NKIRAS1: variants seen among roughly 807,000 people sequenced by gnomAD.
NKIRAS1 encodes the protein NFKB inhibitor interacting Ras like 1, also known as NF-kappa-B inhibitor-interacting Ras-like protein 1.
NKIRAS1 carries 16 observed loss-of-function variants against 19.8 expected under a neutral mutation model. The ratio of observed to expected loss-of-function variants is 0.81; its 90% confidence interval spans 0.55 to 1.23. The LOEUF (loss-of-function observed/expected upper bound fraction) is 1.23. Among genes scored for constraint, NKIRAS1 ranks in the 50% most tolerant of loss-of-function variants. The probability of loss-of-function intolerance (pLI) is 0.00; values close to 1 mark genes in which losing one functional copy is unlikely to be tolerated. For missense variants in NKIRAS1, 184 were observed against 220.0 expected, an observed-to-expected ratio of 0.84 and a Z score of 1.04; for synonymous variants, 88 against 79.0, an observed-to-expected ratio of 1.11 and a Z score of -0.61.
At chr3:23,929,955 A>G (rs6550811) in intron 1 of NKIRAS1, among the ~76,000 whole-genome samples, 95,321 of 151,888 alleles carry the variant, frequency 0.63, 30,168 homozygotes, top group Middle Eastern at 0.72. Flanking sequence ...AAAATGATAG[A>G]ATTTCTAGTT....
intron 3 of NKIRAS1, among the ~76,000 whole-genome samples, chr3:23,903,905 C>T (rs1702761364): frequency 6.6e-6 from 1 of 152,228 alleles, no homozygotes; most frequent in African/African-American, 2.4e-5. Context: ...GGGCTCACAC[C>T]TGTAATACCA....
At chr3:23,938,319 C>T (rs897711964) in intron 1 of NKIRAS1, among the ~76,000 whole-genome samples, 4 of 151,816 alleles carry the variant, frequency 2.6e-5, no homozygotes, top group African/African-American at 9.7e-5. Context: ...AAACGATCCT[C>T]CCATCTCAGC....
chr3:23,895,132 T>G (rs72627064), intron 4 of NKIRAS1, among the ~76,000 whole-genome samples: 2,002 of 152,256 alleles, frequency 0.013, 31 homozygotes, highest in South Asian at 0.054. Flanking sequence ...GCAGCCTTGA[T>G]CTTCTGGGCT....
At chr3:23,941,959 C>CTTTATTTATTTA (rs1022866396) in intron 1 of NKIRAS1, among the ~76,000 whole-genome samples, 1 of 144,700 alleles carries the variant, frequency 6.9e-6, no homozygotes, top group African/African-American at 2.6e-5. Flanking sequence ...TTTAAATAGT[C>CTTTATTTATTTA]TTTATTTATT....
intron 1 of NKIRAS1, among the ~76,000 whole-genome samples, chr3:23,928,629 C>T (rs1025735733): frequency 1.3e-5 from 2 of 149,578 alleles, no homozygotes; most frequent in Admixed American, 6.7e-5. Context: ...TAGGAGAAAC[C>T]GACAAGGGCA....
chr3:23,897,845 G>A (rs1702130185), intron 4 of NKIRAS1, among the ~76,000 whole-genome samples: 1 of 152,164 alleles, frequency 6.6e-6, no homozygotes, highest in South Asian at 2.1e-4. Flanking sequence ...CAAAATAGAA[G>A]CTTTATTGGG....
At chr3:23,903,643 A>G (rs982164747) in intron 3 of NKIRAS1, among the ~76,000 whole-genome samples, 6 of 152,230 alleles carry the variant, frequency 3.9e-5, no homozygotes, top group Admixed American at 3.9e-4. Flanking sequence ...GAAAATAAAG[A>G]TAAGAATATC....
chr3:23,920,296 T>C (rs558835275), upstream of NKIRAS1: 1 of 985,850 alleles, frequency 1.0e-6, no homozygotes, highest in Non-Finnish European at 1.2e-6. Flanking sequence ...AAGTACGTCA[T>C]TCTTAGTCCA....
chr3:23,919,152 A>T (rs1222605520), upstream of NKIRAS1: 2 of 1,347,872 alleles, frequency 1.5e-6, no homozygotes, highest in Admixed American at 1.7e-5. Flanking sequence ...TTGCTGCTAT[A>T]GGCAATGTGG....
At chr3:23,918,093 C>G, upstream of NKIRAS1, 1 of 1,560,584 alleles carries the variant, frequency 6.4e-7, no homozygotes, top group South Asian at 1.2e-5. Context: ...TGGAAACCAG[C>G]TGTTAGGAAG....
chr3:23,911,429 G>C lies in NKIRAS1; in HGVS notation c.-118C>G, dbSNP rs1703713178. ...AGATTGCACCACTTCACTCCAGCCT[G>C]GGTGAAAGAGCTAGACTCTGTCTGA... On this transcript the variant is annotated 5_prime_UTR_variant, in exon 2 of 5. Coordinates refer to ENST00000425478, the MANE Select transcript of NKIRAS1 (RefSeq NM_020345.4). 1 of 155,082 alleles carries C rather than the reference G, an allele frequency of 6.4e-6. No homozygotes were observed. The highest frequency in any genetic ancestry group is 2.0e-4 in the South Asian group (1 of 5,126). 9.6% of individuals were successfully genotyped at this position (155,082 alleles called of 1,614,324 possible). A position where few individuals can be genotyped will look rare whatever the true frequency, so the allele number is the denominator to read the frequency against.
chr3:23,894,453 G>C lies in NKIRAS1; in HGVS notation c.337-1116C>G, dbSNP rs571878340. ...GGGCCAGAGCTCCAGTTTTCTAGGGGAATCACATACTCTATCTCATCTTTC... is the reference window on the plus strand; with the variant it reads ...GGGCCAGAGCTCCAGTTTTCTAGGGCAATCACATACTCTATCTCATCTTTC... On this transcript the variant is annotated intron_variant, in intron 4 of 4. Transcript: ENST00000425478. 2.0e-4 allele frequency among the ~76,000 whole-genome samples: 30 copies of C among 152,216 alleles called. No individual in the cohort carries two copies. In the South Asian group the frequency reaches 6.2e-3, roughly 32 times the overall value.
At chr3:23,900,151 G>C (rs1423336853) in intron 4 of NKIRAS1, among the ~76,000 whole-genome samples, 1 of 151,738 alleles carries the variant, frequency 6.6e-6, no homozygotes, top group African/African-American at 2.4e-5. Context: ...GAAAGAGAGA[G>C]ACTCAGTCTC....
In NKIRAS1 at chr3:23,931,664, C is replaced by T. The variant is rs78733103; in HGVS notation, c.-140+14659G>A. ...TTTCTGTTTGTTTTGTCCACCAATA[C>T]GCCCAATAAGTATTAGTGGAAGGGA... On this transcript the variant is annotated intron_variant, in intron 1 of 4. Coordinates refer to the NKIRAS1 transcript ENST00000421515. 7.5e-3 allele frequency among the ~76,000 whole-genome samples: 1,140 copies of T among 151,348 alleles called. 20 individuals are homozygous for T. Among genetic ancestry groups the T allele is most frequent in the African/African-American group, 0.026 (1,063 of 41,178 alleles).
intron 3 of NKIRAS1, among the ~76,000 whole-genome samples, chr3:23,908,846 C>CTTTTTTTT (rs112291188): frequency 2.1e-5 from 3 of 141,944 alleles, no homozygotes; most frequent in Non-Finnish European, 3.1e-5. Context: ...TTCTTTCTTT[C>CTTTTTTTT]TTTTTTTTTT....
intron 4 of NKIRAS1, among the ~76,000 whole-genome samples, chr3:23,894,839 C>A (rs1163500571): frequency 6.6e-6 from 1 of 152,166 alleles, no homozygotes; most frequent in African/African-American, 2.4e-5. Context: ...TAATCCCAGG[C>A]CGGCCCCCCA....
intron 4 of NKIRAS1, among the ~76,000 whole-genome samples, chr3:23,899,600 C>A (rs1702301863): frequency 6.6e-6 from 1 of 151,894 alleles, no homozygotes; most frequent in Admixed American, 6.6e-5. Context: ...GGGAAACAAG[C>A]AATTGAGAAA....
chr3:23,901,831 G>T (rs1354017186), intron 3 of NKIRAS1, among the ~76,000 whole-genome samples: 1 of 152,208 alleles, frequency 6.6e-6, no homozygotes. Flanking sequence ...CCAGCACTTT[G>T]GGAGGCCTAG....
rs1018029844 is a variant in NKIRAS1 at position 23,890,332 on chromosome 3, A to G, written c.*2763T>C. On this transcript the variant is annotated 3_prime_UTR_variant, in exon 5 of 5. Coordinates refer to ENST00000425478, the MANE Select transcript of NKIRAS1 (RefSeq NM_020345.4). ...AGCCTAAGCATTCCCTCTTCCCCCA[A>G]CGTTATGTTTTTTTGAAATTTTGAT... 6.6e-6 allele frequency among the ~76,000 whole-genome samples: 1 copy of G among 152,104 alleles called. No homozygotes were observed. The highest frequency in any genetic ancestry group is 1.5e-5 in the Non-Finnish European group (1 of 68,012).
Sources: allele counts gnomAD v4.1 joint callset (sites outside exome capture counted in the v4.1 genomes callset), GRCh38; gene constraint gnomAD v4.1.1; transcripts MANE v1.5; gene names NCBI Gene and HGNC (gene_info 2026-07-23, HGNC 2026-07-21).